KCNH3: variants seen among roughly 807,000 people sequenced by gnomAD.
KCNH3 encodes voltage-gated inwardly rectifying potassium channel KCNH3.
A neutral mutation model predicts 95.6 loss-of-function variants in KCNH3; 36 were observed. That is an observed-to-expected ratio of 0.38 (90% CI 0.29 to 0.50). The LOEUF (loss-of-function observed/expected upper bound fraction) is 0.50, where lower values mean the gene tolerates loss of function less well. Ranked by LOEUF, KCNH3 falls within the 20% of genes least tolerant of loss-of-function variation. The pLI is 0.95. For missense variants in KCNH3, 1,030 were observed against 1,484.1 expected (o/e 0.69, Z 5.03); for synonymous variants, 620 against 646.3 (o/e 0.96, Z 0.62).
At chr12:49,545,733 G>C (rs1167268153) in intron 7 of KCNH3, among the ~76,000 whole-genome samples, 1 of 151,984 alleles carries the variant, frequency 6.6e-6, no homozygotes, top group Non-Finnish European at 1.5e-5. Context: ...GAGTCACCAG[G>C]TGTCCAGATC....
chr12:49,540,049 T>G (rs1054111877), intron 1 of KCNH3, among the ~76,000 whole-genome samples: 2 of 152,142 alleles, frequency 1.3e-5, no homozygotes, highest in African/African-American at 4.8e-5. Flanking sequence ...CCATCAGGAC[T>G]GGGGAAGTTT....
intron 12 of KCNH3, 62 bp from the exon 13 acceptor site, chr12:49,556,308 C>T: frequency 8.1e-7 from 1 of 1,241,460 alleles, no homozygotes; most frequent in Non-Finnish European, 1.2e-6. Context: ...GCATCCCGTC[C>T]CGTATGACCC....
In KCNH3 at chr12:49,549,562, C is replaced by T. The variant is rs1281968744; in HGVS notation, c.1590C>T (p.Ile530=). The T allele has an allele frequency of 6.2e-7, 1 of 1,613,506 alleles. No homozygotes were observed. The highest frequency in any genetic ancestry group is 8.5e-7 in the Non-Finnish European group (1 of 1,180,050). Residue 530 remains isoleucine, a synonymous_variant, in exon 9 of 15, where the codon ATC becomes ATT. Coordinates refer to ENST00000257981, the MANE Select transcript of KCNH3 (RefSeq NM_012284.3). The part of the protein sequence containing the change: ...DLRDYIRIHR[I]PKPLKQRMLE... ...GCGACTACATCCGCATCCACCGTAT[C>T]CCCAAGCCCCTCAAGCAGCGCATGC...
chr12:49,542,486 C>T (rs1454519553), intron 3 of KCNH3, among the ~76,000 whole-genome samples: 1 of 152,220 alleles, frequency 6.6e-6, no homozygotes, highest in Admixed American at 6.5e-5. Context: ...GGAAGCAGAC[C>T]CCAGAGGTAG....
At chr12:49,555,994 A>G (rs1324402025) in intron 12 of KCNH3, 43 bp downstream of exon 12, 2 of 965,684 alleles carry the variant, frequency 2.1e-6, no homozygotes, top group Admixed American at 2.2e-5. Flanking sequence ...GGTGGTGATG[A>G]GGCTGAGGCC....
Position 49,550,136 on chromosome 12 carries a change from G to A in KCNH3, c.1725G>A (p.Lys575=). 1 of 1,594,482 alleles carries A rather than the reference G, an allele frequency of 6.3e-7. No individual in the cohort carries two copies. The highest frequency in any genetic ancestry group is 8.5e-7 in the Non-Finnish European group (1 of 1,170,138). Residue 575 remains lysine (K), a synonymous_variant, in exon 10 of 15, where the codon AAG becomes AAA. Transcript: ENST00000257981. ...CAGACATCGCCATGCACCTGCACAA[G>A]GAGGTCCTGCAGCTGCCACTGTTTG... ...LRADIAMHLH[K]EVLQLPLFEA... is the part of the protein sequence containing the mutation.
At chr12:49,553,449 G>A (rs1056086150) in intron 10 of KCNH3, among the ~76,000 whole-genome samples, 10 of 152,132 alleles carry the variant, frequency 6.6e-5, no homozygotes, top group African/African-American at 2.4e-4. Context: ...TGATTTATAG[G>A]GGGTTCTATC....
At chr12:49,551,208 G>A (rs1488463009) in intron 10 of KCNH3, among the ~76,000 whole-genome samples, 1 of 152,194 alleles carries the variant, frequency 6.6e-6, no homozygotes, top group Non-Finnish European at 1.5e-5. Flanking sequence ...AGGAGGGTTG[G>A]ACCTGCACTC....
At chr12:49,551,507 T>C (rs1938257660) in intron 10 of KCNH3, among the ~76,000 whole-genome samples, 1 of 134,180 alleles carries the variant, frequency 7.5e-6, no homozygotes, top group Non-Finnish European at 1.5e-5. Context: ...ACCCAGGAGA[T>C]GGAGACTGCA....
chr12:49,542,942 A>G, intron 4 of KCNH3, 103 bp downstream of exon 4: 1 of 1,412,724 alleles, frequency 7.1e-7, no homozygotes, highest in Non-Finnish European at 9.5e-7. Context: ...GGGGCCACCC[A>G]GGCCTTGCCA....
rs748165905 is a variant in KCNH3 at position 49,543,878 on chromosome 12, C to T, written c.824-37C>T. ...GTCCAGGCAAGAGTGGCTGCCCCCC[C>T]AGCCCCAGTGCTGACTCCCACCCGG... On this transcript the variant is annotated intron_variant, in intron 5 of 14. Coordinates refer to ENST00000257981, the MANE Select transcript of KCNH3 (RefSeq NM_012284.3). 3.8e-6 allele frequency: 6 copies of T among 1,581,960 alleles called. No homozygotes were observed. The South Asian group carries it at 6.8e-5, about 18-fold the overall frequency.
intron 10 of KCNH3, among the ~76,000 whole-genome samples, chr12:49,551,574 CAAAAAA>C (rs59344956): frequency 3.6e-4 from 21 of 57,552 alleles, no homozygotes; most frequent in African/African-American, 1.1e-3. Flanking sequence ...GACTCTGTCT[CAAAAAA>C]AAAAAAAAAA....
chr12:49,550,515 C>T (rs575066279), intron 10 of KCNH3, among the ~76,000 whole-genome samples, 186 bp downstream of exon 10: 140 of 152,254 alleles, frequency 9.2e-4, no homozygotes, highest in African/African-American at 3.2e-3. Context: ...AAGGTGGCAG[C>T]GTAAGTAGGT....
chr12:49,556,450 G>A lies in KCNH3; in HGVS notation c.2549G>A (p.Cys850Tyr), dbSNP rs762844289. The part of the protein sequence containing the change: ...SFRVGQSGPE[C>Y]SSSPSPGPES... ...CGCGTGGGCCAGTCTGGCCCGGAAT[G>A]TAGCAGCAGCCCCTCCCCTGGACCA... Residue 850 changes from cysteine (C) to tyrosine (Y), a missense_variant, in exon 13 of 15, where the codon TGT becomes TAT. By Grantham distance (194) the Cys-to-Tyr change is radical. Around this residue, in one of 9 missense-constraint regions of KCNH3, gnomAD observed 464 missense variants for 493.2 expected, o/e 0.94. Transcript: ENST00000257981. The A allele has an allele frequency of 6.2e-7, 1 of 1,613,992 alleles. No homozygotes were observed. The highest frequency in any genetic ancestry group is 8.5e-7 in the Non-Finnish European group (1 of 1,179,932).
In KCNH3 at chr12:49,541,798, G is replaced by C. The variant is rs760166142; in HGVS notation, c.445+34G>C. 1.9e-6 allele frequency: 3 copies of C among 1,611,172 alleles called. No homozygotes were observed. The African/African-American group carries it at 4.0e-5, about 22-fold the overall frequency. ...ATGTAGGTGCTGTGGTCGGGGTATT[G>C]GGTGCCGCAGGCCCGGGCGGGGCCT... On this transcript the variant is annotated intron_variant, in intron 3 of 14. Coordinates refer to ENST00000257981, the MANE Select transcript of KCNH3 (RefSeq NM_012284.3).
chr12:49,555,490 T>G, intron 11 of KCNH3, 130 bp from the exon 12 acceptor site: 1 of 507,906 alleles, frequency 2.0e-6, no homozygotes, highest in Middle Eastern at 5.2e-4. Context: ...GACCTTCAGT[T>G]AGAATAGATG....
At chr12:49,544,115 G>A (rs753367348) in intron 6 of KCNH3, 43 bp downstream of exon 6, 2 of 1,605,526 alleles carry the variant, frequency 1.2e-6, no homozygotes. Context: ...CTTGGCCAGG[G>A]GACAGGCAGG....
Position 49,558,017 on chromosome 12 carries a change from A to T in KCNH3, c.*64A>T. On this transcript the variant is annotated 3_prime_UTR_variant, in exon 15 of 15. Coordinates refer to ENST00000257981, the MANE Select transcript of KCNH3 (RefSeq NM_012284.3). ...CATCTGCTGTTCGGCCCAACCTCAG[A>T]GTGAAGGCAGGGTGGCAGCCTCCCC... 1 of 1,415,690 alleles carries T rather than the reference A, an allele frequency of 7.1e-7. No individual in the cohort carries two copies. The highest frequency in any genetic ancestry group is 2.5e-5 in the Admixed American group (1 of 39,338). The allele number at this position is 1,415,690 out of a possible 1,614,324, so 87.7% of individuals were successfully genotyped here. A position where few individuals can be genotyped will look rare whatever the true frequency, so the allele number is the denominator to read the frequency against.
rs1565784302 is a variant in KCNH3, at chr12:49,557,448, G to A, written c.2747G>A (p.Gly916Asp). ...CTTGTCCTGGCGCCCCACAGGGAGG[G>A]TCCGTGCCCTCGGGCATCGGGAGAG... The part of the protein sequence containing the change: ...VQLVLAPHRE[G>D]PCPRASGEGP... The change falls in exon 15 of 15, where the codon GGT becomes GAT. Residue 916 changes from glycine to aspartate, a missense_variant. Transcript: ENST00000257981. 6.2e-7 allele frequency: 1 copy of A among 1,610,538 alleles called. No individual in the cohort carries two copies. Among genetic ancestry groups the A allele is most frequent in the Non-Finnish European group, 8.5e-7 (1 of 1,178,552 alleles).
Sources: gnomAD v4.1 joint callset for allele counts (sites outside exome capture counted in the v4.1 genomes callset) on GRCh38, gnomAD v4.1.1 for gene constraint, gnomAD v4.1.1 regional missense constraint, MANE v1.5 for transcripts, NCBI Gene and HGNC (gene_info 2026-07-23, HGNC 2026-07-21) for gene names.